Variants in RORB observed in about 807,000 individuals in gnomAD.
RORB encodes RAR related orphan receptor B.
A neutral mutation model predicts 59.1 loss-of-function variants in RORB; 6 were observed. The ratio of observed to expected loss-of-function variants is 0.10; its 90% CI spans 0.06 to 0.20. RORB has a LOEUF of 0.20. Among genes scored for constraint, RORB ranks in the 10% least tolerant of loss-of-function variants. The pLI is 1.00. For missense variants in RORB, 320 were observed against 560.5 expected, an observed-to-expected ratio of 0.57 and a Z score of 4.33; for synonymous variants, 215 against 204.5, an observed-to-expected ratio of 1.05 and a Z score of -0.44.
In RORB at chr9:74,685,453, C is replaced by T. The variant is rs373228571; in HGVS notation, c.1225-10C>T. 1.2e-5 allele frequency: 19 copies of T among 1,598,950 alleles called. No individual in the cohort carries two copies. The highest frequency in any genetic ancestry group is 1.5e-5 in the Non-Finnish European group (18 of 1,169,950). ...CTCTCTATCTCCCTCTCTGTCTCTC[C>T]GTTCTGCAGTTAATAGCCAAGATAC... On this transcript the variant is annotated splice_polypyrimidine_tract_variant and intron_variant, in intron 9 of 9. Transcript: ENST00000376896.
At chr9:74,560,371 C>T (rs1822376693) in intron 1 of RORB, among the ~76,000 whole-genome samples, 1 of 152,100 alleles carries the variant, frequency 6.6e-6, no homozygotes, top group Non-Finnish European at 1.5e-5. Flanking sequence ...CCCTTAAATT[C>T]TCTAGCAATG....
intron 1 of RORB, among the ~76,000 whole-genome samples, chr9:74,612,835 A>T (rs1823252649): frequency 6.6e-6 from 1 of 152,036 alleles, no homozygotes. Context: ...TATCCCCCAG[A>T]TCGATTTGCT....
chr9:74,537,164 A>G (rs1826333285), intron 1 of RORB, among the ~76,000 whole-genome samples: 1 of 152,046 alleles, frequency 6.6e-6, no homozygotes, highest in South Asian at 2.1e-4. Flanking sequence ...GTAGTTTTCT[A>G]GAATGTCATG....
In RORB at chr9:74,522,832, T is replaced by G. The variant is rs1292914381; in HGVS notation, c.7+24849T>G. On this transcript the variant is annotated intron_variant, in intron 1 of 9. Coordinates refer to ENST00000376896, the MANE Select transcript of RORB (RefSeq NM_006914.4). ...GAATGGAAAGAAGTGTTTTGATGAA[T>G]AGGGGCATCACTGCAAATCACTACT... Among the ~76,000 whole-genome samples the G allele has an allele frequency of 2.6e-5, 4 of 151,810 alleles. No homozygotes were observed. The East Asian group carries it at 5.8e-4, about 22-fold the overall frequency.
chr9:74,550,412 C>G (rs1308692983), intron 1 of RORB, among the ~76,000 whole-genome samples: 1 of 152,216 alleles, frequency 6.6e-6, no homozygotes, highest in Non-Finnish European at 1.5e-5. Context: ...CAGAAATTCT[C>G]ATTTAGCAGA....
At chr9:74,622,852 T>C (rs1336253438) in intron 1 of RORB, among the ~76,000 whole-genome samples, 1 of 151,932 alleles carries the variant, frequency 6.6e-6, no homozygotes, top group Admixed American at 6.6e-5. Context: ...AGGCCCAGGG[T>C]AGGAGCAAAA....
At chr9:74,546,240 T>A (rs906274353) in intron 1 of RORB, among the ~76,000 whole-genome samples, 9 of 152,196 alleles carry the variant, frequency 5.9e-5, no homozygotes, top group African/African-American at 2.2e-4. Context: ...AATCTGGGTT[T>A]ACCACTTGAA....
In RORB at chr9:74,576,090, G is replaced by A. The variant is rs1469141269; in HGVS notation, c.8-54192G>A. Among the ~76,000 whole-genome samples the A allele has an allele frequency of 1.2e-4, 18 of 152,116 alleles. 1 individual carries two copies. The highest frequency in any genetic ancestry group is 6.6e-5 in the Admixed American group (1 of 15,258). On this transcript the variant is annotated intron_variant, in intron 1 of 9. Transcript: ENST00000376896. ...TATTAAACAGCCTCGCTGTTTGTGG[G>A]AAGCTTCAAGTACATGATTAAGTTG... is the stretch of plus-strand genomic sequence containing the variant.
intron 9 of RORB, among the ~76,000 whole-genome samples, chr9:74,679,897 T>G (rs891847163): frequency 2.0e-5 from 3 of 151,884 alleles, no homozygotes; most frequent in African/African-American, 7.3e-5. Context: ...GGTCAAGAGG[T>G]CAAGACCAGA....
At chr9:74,625,891 C>T (rs1228616447) in intron 1 of RORB, among the ~76,000 whole-genome samples, 2 of 152,158 alleles carry the variant, frequency 1.3e-5, no homozygotes, top group African/African-American at 2.4e-5. Flanking sequence ...CCAACCAGAA[C>T]GTACGTGAAA....
chr9:74,641,407 A>G (rs935487345), intron 3 of RORB, among the ~76,000 whole-genome samples: 1 of 152,232 alleles, frequency 6.6e-6, no homozygotes, highest in Non-Finnish European at 1.5e-5. Flanking sequence ...GATAGGAAAA[A>G]TAAAACTTGG....
chr9:74,564,659 G>C (rs971225211), intron 1 of RORB, among the ~76,000 whole-genome samples: 1 of 152,118 alleles, frequency 6.6e-6, no homozygotes, highest in Non-Finnish European at 1.5e-5. Context: ...ATATGCAGCT[G>C]GTGAAAGGTA....
rs1824626418 is a variant in RORB at position 74,685,525 on chromosome 9, A to G, written c.1287A>G (p.Val429=). ...VCNLHGEKLQ[V]FKQSHPEIVN... ...ACTTGCACGGGGAGAAGCTGCAGGT[A>G]TTTAAGCAATCTCATCCAGAGATAG... Residue 429 remains valine (V), a synonymous_variant, in exon 10 of 10, where the codon GTA becomes GTG. Coordinates refer to ENST00000376896, the MANE Select transcript of RORB (RefSeq NM_006914.4). 3 of 1,613,512 alleles carry G rather than the reference A, an allele frequency of 1.9e-6. No homozygotes were observed. The highest frequency in any genetic ancestry group is 2.5e-6 in the Non-Finnish European group (3 of 1,179,638).
intron 1 of RORB, among the ~76,000 whole-genome samples, chr9:74,501,035 C>T (rs1343783991): frequency 1.3e-5 from 2 of 152,040 alleles, no homozygotes; most frequent in Non-Finnish European, 2.9e-5. Context: ...AAGAAGTGAG[C>T]CGAGGTGTGG....
intron 7 of RORB, among the ~76,000 whole-genome samples, chr9:74,667,073 A>G (rs1824280086): frequency 6.6e-6 from 1 of 152,178 alleles, no homozygotes; most frequent in Non-Finnish European, 1.5e-5. Context: ...CTAGATTTTC[A>G]AGAAAGGAGG....
chr9:74,515,131 A>G (rs1488404438), intron 1 of RORB, among the ~76,000 whole-genome samples: 9 of 150,248 alleles, frequency 6.0e-5, no homozygotes, highest in Admixed American at 2.7e-4. Flanking sequence ...AAAAGATCCA[A>G]TGAAGAAAAT....
intron 9 of RORB, among the ~76,000 whole-genome samples, chr9:74,684,161 T>C (rs777170877): frequency 3.5e-4 from 53 of 152,226 alleles, no homozygotes; most frequent in Non-Finnish European, 6.9e-4. Flanking sequence ...AATTTTAAAT[T>C]GCTTGTAGTA....
intron 1 of RORB, among the ~76,000 whole-genome samples, chr9:74,566,769 C>T (rs996512536): frequency 2.0e-5 from 3 of 152,108 alleles, no homozygotes; most frequent in African/African-American, 7.2e-5. Context: ...TGCGCTCCAA[C>T]CTGGAAACAG....
intron 1 of RORB, among the ~76,000 whole-genome samples, chr9:74,629,986 A>G (rs763039962): frequency 2.0e-5 from 3 of 152,240 alleles, no homozygotes; most frequent in Non-Finnish European, 4.4e-5. Flanking sequence ...CACTACTTTT[A>G]AGGTCAAATT....
Sources: gnomAD v4.1 joint callset for allele counts (sites outside exome capture counted in the v4.1 genomes callset) on GRCh38, gnomAD v4.1.1 for gene constraint, MANE v1.5 for transcripts, NCBI Gene and HGNC (gene_info 2026-07-23, HGNC 2026-07-21) for gene names.